Variants in TBC1D14 observed in about 807,000 individuals in gnomAD.
The protein encoded by TBC1D14 is TBC1 domain family, member 14.
TBC1D14 carries 26 observed loss-of-function variants against 79.0 expected under a neutral mutation model. That is an observed-to-expected ratio of 0.33 (90% CI 0.24 to 0.46). The LOEUF (loss-of-function observed/expected upper bound fraction) is 0.46, where lower values mean the gene tolerates loss of function less well. Ranked by LOEUF, TBC1D14 falls within the 20% of genes least tolerant of loss-of-function variation. The pLI is 1.00. For synonymous variants in TBC1D14, 394 were observed against 349.9 expected (o/e 1.13, Z -1.40); for missense variants, 769 against 887.6 (o/e 0.87, Z 1.70).
At chr4:7,008,563 C>T (rs1720438849) in intron 9 of TBC1D14, among the ~76,000 whole-genome samples, 1 of 152,210 alleles carries the variant, frequency 6.6e-6, no homozygotes, top group South Asian at 2.1e-4. Context: ...CAGGCACCCA[C>T]CACCATGCCT....
chr4:6,985,221 G>A (rs966190963), intron 3 of TBC1D14, among the ~76,000 whole-genome samples: 1 of 152,140 alleles, frequency 6.6e-6, no homozygotes, highest in Admixed American at 6.5e-5. Context: ...CCACACCCAG[G>A]AGAATGATGG....
intron 3 of TBC1D14, among the ~76,000 whole-genome samples, chr4:6,988,521 G>A (rs1414925564): frequency 6.6e-6 from 1 of 152,202 alleles, no homozygotes; most frequent in East Asian, 1.9e-4. Flanking sequence ...TGGTGGCCGT[G>A]CTGTCACAGC....
At chr4:7,016,137 G>C (rs3894945) in intron 12 of TBC1D14, among the ~76,000 whole-genome samples, 135,391 of 152,244 alleles carry the variant, frequency 0.89, 60,454 homozygotes, top group East Asian at 0.98. Flanking sequence ...GCTTCTGTCC[G>C]AAACCCTGGA....
At chr4:6,920,571 T>C (rs909776058) in intron 1 of TBC1D14, among the ~76,000 whole-genome samples, 5 of 152,100 alleles carry the variant, frequency 3.3e-5, no homozygotes, top group Admixed American at 6.6e-5. Context: ...CATTCTTTCT[T>C]CTGTGCTTGA....
chr4:7,017,433 T>A (rs151322891), intron 12 of TBC1D14, among the ~76,000 whole-genome samples: 1 of 152,288 alleles, frequency 6.6e-6, no homozygotes, highest in African/African-American at 2.4e-5. Flanking sequence ...GCACTTTCCC[T>A]TAGAGTCCTT....
chr4:6,938,095 C>T (rs1438083228), intron 2 of TBC1D14, among the ~76,000 whole-genome samples: 1 of 152,092 alleles, frequency 6.6e-6, no homozygotes, highest in East Asian at 1.9e-4. Context: ...TGGTGGTGGG[C>T]GCTACTTTGC....
chr4:6,990,373 C>T (rs539315348), intron 3 of TBC1D14, among the ~76,000 whole-genome samples: 6 of 152,306 alleles, frequency 3.9e-5, no homozygotes, highest in East Asian at 3.9e-4. Flanking sequence ...CGCTTGAACC[C>T]GGGAGGCAGA....
intron 2 of TBC1D14, among the ~76,000 whole-genome samples, chr4:6,958,376 T>TATACACACAC (rs538972596): frequency 1.4e-4 from 21 of 149,218 alleles, no homozygotes; most frequent in Middle Eastern, 3.4e-3. Flanking sequence ...TCCCCACATA[T>TATACACACAC]ACACACACAC....
rs758860538 is a variant in TBC1D14 at position 7,030,420 on chromosome 4, C to G, written c.*28C>G. 3.1e-6 allele frequency: 5 copies of G among 1,611,570 alleles called. No homozygotes were observed. Among genetic ancestry groups the G allele is most frequent in the South Asian group, 1.1e-5 (1 of 91,054 alleles). Reference sequence around the variant, plus strand: ...CTGCAGCGGGAATTCGCACTCGGCACCAATCAGAGCCCCATGCCGCGGCCC... The same window carrying G: ...CTGCAGCGGGAATTCGCACTCGGCAGCAATCAGAGCCCCATGCCGCGGCCC... On this transcript the variant is annotated 3_prime_UTR_variant, in exon 14 of 14. Coordinates refer to ENST00000409757, the MANE Select transcript of TBC1D14 (RefSeq NM_020773.3).
intron 2 of TBC1D14, among the ~76,000 whole-genome samples, chr4:6,945,162 T>C (rs556964590): frequency 6.6e-6 from 1 of 152,236 alleles, no homozygotes; most frequent in East Asian, 1.9e-4. Context: ...GCATTTTCCA[T>C]GTGAAAGGAG....
chr4:6,987,911 T>A (rs1420742869), intron 3 of TBC1D14, among the ~76,000 whole-genome samples: 1 of 152,254 alleles, frequency 6.6e-6, no homozygotes, highest in African/African-American at 2.4e-5. Context: ...AAAGGACTCC[T>A]GAGAGTGCTT....
chr4:6,953,470 A>AAT (rs1377032177), intron 2 of TBC1D14, among the ~76,000 whole-genome samples: 2 of 143,658 alleles, frequency 1.4e-5, no homozygotes, highest in African/African-American at 5.0e-5. Context: ...AAAAAAAAAA[A>AAT]AATACAAAAA....
At chr4:6,932,615 G>A (rs1283396234) in intron 2 of TBC1D14, among the ~76,000 whole-genome samples, 1 of 152,148 alleles carries the variant, frequency 6.6e-6, no homozygotes, top group Non-Finnish European at 1.5e-5. Context: ...AGCCACTGCA[G>A]AATTTTTGTC....
intron 8 of TBC1D14, among the ~76,000 whole-genome samples, chr4:7,005,354 C>T (rs1243296238): frequency 6.6e-6 from 1 of 151,958 alleles, no homozygotes; most frequent in African/African-American, 2.4e-5. Flanking sequence ...GTCAACATGG[C>T]GAGACCCCCG....
chr4:7,008,924 C>T (rs141436483), intron 9 of TBC1D14, among the ~76,000 whole-genome samples: 1 of 152,234 alleles, frequency 6.6e-6, no homozygotes, highest in Non-Finnish European at 1.5e-5. Flanking sequence ...TTTGGTGCCA[C>T]TGCAGACCGT....
chr4:7,003,724 G>T (rs1719899019), intron 7 of TBC1D14, among the ~76,000 whole-genome samples: 1 of 152,054 alleles, frequency 6.6e-6, no homozygotes. Flanking sequence ...GGAGTGGCGG[G>T]TGCAGCAGCT....
intron 7 of TBC1D14, among the ~76,000 whole-genome samples, chr4:7,002,254 A>G (rs750542067): frequency 6.6e-6 from 1 of 152,190 alleles, no homozygotes; most frequent in Non-Finnish European, 1.5e-5. Context: ...TTTTGTTTTA[A>G]CATCTCTGTG....
intron 3 of TBC1D14, among the ~76,000 whole-genome samples, chr4:6,973,231 C>T (rs2109067253): frequency 6.6e-6 from 1 of 152,182 alleles, no homozygotes; most frequent in South Asian, 2.1e-4. Flanking sequence ...GCAAGAATCC[C>T]AGAAGAAGGC....
chr4:6,947,940 G>A (rs923242606), intron 2 of TBC1D14, among the ~76,000 whole-genome samples: 3 of 152,146 alleles, frequency 2.0e-5, no homozygotes, highest in African/African-American at 7.2e-5. Flanking sequence ...TAGGAAGCCC[G>A]CCTGCCCTAC....
Sources: gnomAD v4.1 joint callset for allele counts (sites outside exome capture counted in the v4.1 genomes callset) on GRCh38, gnomAD v4.1.1 for gene constraint, MANE v1.5 for transcripts, NCBI Gene and HGNC (gene_info 2026-07-23, HGNC 2026-07-21) for gene names.